Variants in DCLRE1A observed in about 807,000 individuals in gnomAD.
The protein encoded by DCLRE1A is DNA cross-link repair 1A protein.
In DCLRE1A, 64 loss-of-function variants were observed where a neutral mutation model predicts 91.9. The observed-to-expected ratio is 0.70, with a 90% CI of 0.57 to 0.86. DCLRE1A has a LOEUF of 0.86. DCLRE1A is among the 40% of genes least tolerant of loss of function. The pLI, the probability that DCLRE1A is intolerant of heterozygous loss-of-function variation, is 0.00. For missense variants in DCLRE1A, 1,145 were observed against 1,213.3 expected, an observed-to-expected ratio of 0.94 and a Z score of 0.84; for synonymous variants, 416 against 431.1, an observed-to-expected ratio of 0.96 and a Z score of 0.43.
chr10:113,837,066 TATTGAA>T lies in DCLRE1A; in HGVS notation c.2952_2957del (p.Ser985_Ile986del). ...GAGAAAATTTAATAACTATACCATA[TATTGAA>T]ATGTTTCCTTTGGTCTGGGGAATAA... On this transcript the variant is annotated inframe_deletion, in exon 8 of 9. Transcript: ENST00000361384. 6.2e-7 allele frequency: 1 copy of T among 1,602,614 alleles called. No homozygotes were observed. Among genetic ancestry groups the T allele is most frequent in the Non-Finnish European group, 8.5e-7 (1 of 1,175,580 alleles).
At position 113,849,357 on chromosome 10, in the gene DCLRE1A, A is replaced by T; in HGVS notation, c.1748T>A (p.Ile583Lys). The change falls in exon 2 of 9, where the codon ATA becomes AAA. Residue 583 changes from isoleucine (I) to lysine (K), a missense_variant. By Grantham distance (102) the Ile-to-Lys change is moderately radical (BLOSUM62 -3). Coordinates refer to ENST00000361384, the MANE Select transcript of DCLRE1A (RefSeq NM_014881.5). ...AGGACTTGGAACTGGATTTAAGTTT[A>T]TCCCTTCTAATGCACTTTCCCCTAG... is the stretch of plus-strand genomic sequence containing the variant. ...KLLGESALEG[I>K]NLNPVPSPNQ... 1 of 1,614,080 alleles carries T rather than the reference A, an allele frequency of 6.2e-7. No individual in the cohort carries two copies. Among genetic ancestry groups the T allele is most frequent in the South Asian group, 1.1e-5 (1 of 91,064 alleles).
chr10:113,848,922 C>T (rs1358821793), intron 2 of DCLRE1A, 58 bp downstream of exon 2: 2 of 1,503,830 alleles, frequency 1.3e-6, no homozygotes, highest in African/African-American at 1.4e-5. Flanking sequence ...GGGCAATAAA[C>T]ACAAAGTTCA....
intron 6 of DCLRE1A, among the ~76,000 whole-genome samples, chr10:113,841,935 A>G (rs1219519107): frequency 2.6e-5 from 4 of 152,212 alleles, no homozygotes; most frequent in Non-Finnish European, 5.9e-5. Context: ...GCAAATTAGT[A>G]CAATACTACC....
Position 113,845,790 on chromosome 10 carries a change from A to C in DCLRE1A, c.2273T>G (p.Leu758Trp). 6.2e-7 allele frequency: 1 copy of C among 1,614,112 alleles called. No individual in the cohort carries two copies. Among genetic ancestry groups the C allele is most frequent in the Non-Finnish European group, 8.5e-7 (1 of 1,179,958 alleles). The change falls in exon 4 of 9, where the codon TTG (leucine) becomes TGG (tryptophan). Residue 758 changes from leucine (L) to tryptophan (W), a missense_variant. Coordinates refer to ENST00000361384, the MANE Select transcript of DCLRE1A (RefSeq NM_014881.5). ...TTGCACATGAAGCTTGTTCTTCAAC[A>C]AATTGCCAGTTATCTGCAAAACAGG... ...PVYCSEITGNLLKNKLHVQEQ... is the reference protein window; with the variant it reads ...PVYCSEITGNWLKNKLHVQEQ...
intron 7 of DCLRE1A, 96 bp from the exon 8 acceptor site, chr10:113,837,299 A>T: frequency 8.4e-7 from 1 of 1,189,728 alleles, no homozygotes; most frequent in South Asian, 2.4e-5. Context: ...AGGCATGGGG[A>T]GTTTTCATTT....
At chr10:113,841,055 A>G (rs979974343) in intron 7 of DCLRE1A, among the ~76,000 whole-genome samples, 9 of 152,248 alleles carry the variant, frequency 5.9e-5, no homozygotes, top group African/African-American at 1.9e-4. Flanking sequence ...AAGTAAACTA[A>G]GAACTTCTTA....
chr10:113,850,409 T>C lies in DCLRE1A; in HGVS notation c.696A>G (p.Thr232=), dbSNP rs761972009. The change falls in exon 2 of 9, where the codon ACA becomes ACG. Residue 232 remains threonine, a synonymous_variant. Coordinates refer to ENST00000361384, the MANE Select transcript of DCLRE1A (RefSeq NM_014881.5). ...GAGACGGAGACTTTTTAAAATACTG[T>C]GTCATCAATAAGGGATCATTTGAAA... ...NSVSNDPLLM[T]QYFKKSPSLT... 6.2e-7 allele frequency: 1 copy of C among 1,614,220 alleles called. No homozygotes were observed. The highest frequency in any genetic ancestry group is 1.7e-5 in the Admixed American group (1 of 60,028).
chr10:113,838,527 T>C (rs1455028947), intron 7 of DCLRE1A, among the ~76,000 whole-genome samples: 1 of 152,160 alleles, frequency 6.6e-6, no homozygotes, highest in Non-Finnish European at 1.5e-5. Flanking sequence ...AAGCCAAATC[T>C]ACAGAAAAAA....
At chr10:113,841,259 T>A (rs1364175282) in intron 7 of DCLRE1A, 147 bp downstream of exon 7, 2 of 879,656 alleles carry the variant, frequency 2.3e-6, no homozygotes, top group Non-Finnish European at 3.3e-6. Context: ...ACTATGAACA[T>A]TTAAAATTCC....
intron 1 of DCLRE1A, 145 bp from the exon 2 acceptor site, chr10:113,850,789 T>C (rs1346308297): frequency 4.9e-6 from 3 of 614,662 alleles, no homozygotes; most frequent in South Asian, 2.9e-5. Context: ...TTAGTTATAA[T>C]TGTTGATACA....
chr10:113,835,600 T>C (rs1442703131), intron 8 of DCLRE1A, among the ~76,000 whole-genome samples: 2 of 152,168 alleles, frequency 1.3e-5, no homozygotes, highest in Admixed American at 6.5e-5. Flanking sequence ...TGGGAGGCGA[T>C]TGGATCATGG....
rs968404508 is a variant in DCLRE1A, at chr10:113,853,984, G to A, written c.-802C>T. On this transcript the variant is annotated 5_prime_UTR_variant, in exon 1 of 9. Coordinates refer to ENST00000361384, the MANE Select transcript of DCLRE1A (RefSeq NM_014881.5). ...GCCCTCTGTCCACCTGACTCAAAAC[G>A]GGGTCACACGCCAGCCTCTCCCTTA... is the stretch of plus-strand genomic sequence containing the variant. 3 of 152,260 alleles carry A rather than the reference G, an allele frequency of 2.0e-5. No individual in the cohort carries two copies. The highest frequency in any genetic ancestry group is 4.4e-5 in the Non-Finnish European group (3 of 68,098). 9.4% of individuals were successfully genotyped at this position (152,260 alleles called of 1,614,324 possible).
intron 3 of DCLRE1A, 24 bp downstream of exon 3, chr10:113,847,178 A>G (rs753925950): frequency 1.9e-6 from 3 of 1,562,744 alleles, no homozygotes; most frequent in Non-Finnish European, 2.6e-6. Flanking sequence ...CTACAAAGTC[A>G]AAAGTTAGAA....
intron 6 of DCLRE1A, among the ~76,000 whole-genome samples, chr10:113,841,877 A>T (rs1266252985): frequency 6.6e-6 from 1 of 152,240 alleles, no homozygotes; most frequent in Non-Finnish European, 1.5e-5. Context: ...ATCATCTTTA[A>T]TGTTTGATAT....
intron 4 of DCLRE1A, 144 bp from the exon 5 acceptor site, chr10:113,844,388 C>A: frequency 8.9e-7 from 1 of 1,127,152 alleles, no homozygotes; most frequent in Non-Finnish European, 1.2e-6. Flanking sequence ...GGCACTTCAA[C>A]TCAAGGAAAT....
At position 113,847,308 on chromosome 10, in the gene DCLRE1A, T is replaced by C. The variant is rs1472334854; in HGVS notation, c.2153A>G (p.Gln718Arg). The change falls in exon 3 of 9, where the codon CAG (glutamine) becomes CGG (arginine). Residue 718 changes from glutamine (Q) to arginine (R), a missense_variant. Transcript: ENST00000361384. ...PGTGFTVDAF[Q>R]YGVVEGCTAY... ...TGTGCAACCTTCAACCACGCCATACTGAAAGGCATCAACTGTAAAGCCGGT... is the reference window on the plus strand; with the variant it reads ...TGTGCAACCTTCAACCACGCCATACCGAAAGGCATCAACTGTAAAGCCGGT... 6 of 1,613,958 alleles carry C rather than the reference T, an allele frequency of 3.7e-6. 1 individual carries two copies. In the South Asian group the frequency reaches 4.4e-5, roughly 12 times the overall value.
chr10:113,852,266 G>A (rs914827844), intron 1 of DCLRE1A, among the ~76,000 whole-genome samples: 1 of 152,224 alleles, frequency 6.6e-6, no homozygotes, highest in African/African-American at 2.4e-5. Flanking sequence ...AACCTAGGAA[G>A]CGGAGCTTGC....
chr10:113,850,940 G>C (rs1011238976), intron 1 of DCLRE1A, among the ~76,000 whole-genome samples: 2 of 151,948 alleles, frequency 1.3e-5, no homozygotes, highest in African/African-American at 4.8e-5. Flanking sequence ...ATATCCCTGT[G>C]TATGTTAATT....
intron 4 of DCLRE1A, 84 bp from the exon 5 acceptor site, chr10:113,844,328 A>G (rs1427978840): frequency 2.0e-6 from 3 of 1,535,200 alleles, no homozygotes; most frequent in Non-Finnish European, 2.6e-6. Flanking sequence ...ACAAGTTAGC[A>G]CGCTTTATTA....
Sources: gnomAD v4.1 joint callset for allele counts (sites outside exome capture counted in the v4.1 genomes callset) on GRCh38, gnomAD v4.1.1 for gene constraint, MANE v1.5 for transcripts, NCBI Gene and HGNC (gene_info 2026-07-23, HGNC 2026-07-21) for gene names.